Variants in MYO16 observed in about 807,000 individuals in gnomAD.
MYO16 encodes the protein unconventional myosin-XVI.
MYO16 carries 94 observed loss-of-function variants against 205.3 expected under a neutral mutation model. The observed-to-expected ratio is 0.46, with a 90% CI of 0.39 to 0.54. The LOEUF (loss-of-function observed/expected upper bound fraction) is 0.54. Ranked by LOEUF, MYO16 falls within the 20% of genes least tolerant of loss-of-function variation. The pLI, the probability that MYO16 is intolerant of heterozygous loss-of-function variation, is 0.00. For missense variants in MYO16, 2,315 were observed against 2,387.5 expected (o/e 0.97, Z 0.63); for synonymous variants, 988 against 954.0 (o/e 1.04, Z -0.66).
At chr13:108,618,891 C>T (rs541615224) in intron 1 of MYO16, among the ~76,000 whole-genome samples, 3 of 152,130 alleles carry the variant, frequency 2.0e-5, no homozygotes, top group Non-Finnish European at 4.4e-5. Flanking sequence ...TTCAACCAAT[C>T]TTAATGTATC....
At chr13:108,640,537 CA>C (rs1374911687) in intron 1 of MYO16, among the ~76,000 whole-genome samples, 3 of 152,146 alleles carry the variant, frequency 2.0e-5, no homozygotes. Context: ...AACACATGAG[CA>C]GTGTTAAATT....
chr13:109,146,744 C>T (rs9521186), intron 32 of MYO16, among the ~76,000 whole-genome samples: 26,187 of 151,430 alleles, frequency 0.17, 2,349 homozygotes, highest in East Asian at 0.27. Flanking sequence ...CTACAGTGGC[C>T]GTGGTTGCTC....
chr13:108,530,361 G>T, the MYO16 span, among the ~76,000 whole-genome samples: 2 of 152,198 alleles, frequency 1.3e-5, no homozygotes, highest in South Asian at 2.1e-4. Context: ...CTGCAAAGAA[G>T]AATGGGATGA....
intron 2 of MYO16, among the ~76,000 whole-genome samples, chr13:108,710,422 T>A (rs1048877281): frequency 1.3e-5 from 2 of 152,218 alleles, no homozygotes; most frequent in African/African-American, 4.8e-5. Flanking sequence ...TGCACTTAAA[T>A]TCAACATTTA....
the MYO16 span, among the ~76,000 whole-genome samples, chr13:108,553,005 C>CTTTTT: frequency 3.1e-5 from 2 of 64,848 alleles, 1 homozygote; most frequent in African/African-American, 9.9e-5. Context: ...CTTTAATACT[C>CTTTTT]TTTTTTTTTT....
At chr13:108,833,810 C>A (rs1566358494) in intron 9 of MYO16, among the ~76,000 whole-genome samples, 1 of 151,730 alleles carries the variant, frequency 6.6e-6, no homozygotes, top group East Asian at 1.9e-4. Context: ...ATATTCTCAT[C>A]TATTTTTTTT....
intron 7 of MYO16, among the ~76,000 whole-genome samples, chr13:108,808,723 A>C (rs1050871145): frequency 6.6e-6 from 1 of 152,042 alleles, no homozygotes; most frequent in Non-Finnish European, 1.5e-5. Context: ...TGGTAAAAAA[A>C]AATCTGTAAT....
chr13:108,978,528 G>C (rs1353057962), intron 20 of MYO16, among the ~76,000 whole-genome samples: 1 of 151,870 alleles, frequency 6.6e-6, no homozygotes, highest in Non-Finnish European at 1.5e-5. Context: ...ACATTGCATT[G>C]ATGTTTATTT....
intron 9 of MYO16, among the ~76,000 whole-genome samples, chr13:108,833,880 G>C (rs552358054): frequency 1.3e-5 from 2 of 151,984 alleles, no homozygotes; most frequent in South Asian, 2.1e-4. Flanking sequence ...GGATGGTACT[G>C]ATTTTCTTTT....
At chr13:108,542,344 A>G in the MYO16 span, among the ~76,000 whole-genome samples, 3 of 152,134 alleles carry the variant, frequency 2.0e-5, no homozygotes, top group African/African-American at 7.2e-5. Context: ...AGAGAAGTTT[A>G]GAAAAAAAAA....
intron 10 of MYO16, among the ~76,000 whole-genome samples, chr13:108,845,089 T>C (rs1423170413): frequency 6.6e-6 from 1 of 152,180 alleles, no homozygotes; most frequent in Non-Finnish European, 1.5e-5. Context: ...ATTTTGTATA[T>C]TTCTGTTTTA....
the MYO16 span, among the ~76,000 whole-genome samples, chr13:108,509,782 A>G: frequency 1.3e-5 from 2 of 152,182 alleles, no homozygotes; most frequent in South Asian, 2.1e-4. Context: ...ATGTACCCTA[A>G]AACTTAAAGT....
At chr13:108,642,287 G>T (rs562167296) in intron 1 of MYO16, among the ~76,000 whole-genome samples, 1 of 152,252 alleles carries the variant, frequency 6.6e-6, no homozygotes, top group African/African-American at 2.4e-5. Flanking sequence ...GTGAAAGGAC[G>T]TATTTTTTGA....
At chr13:108,584,567 A>G in the MYO16 span, among the ~76,000 whole-genome samples, 1 of 152,162 alleles carries the variant, frequency 6.6e-6, no homozygotes, top group Non-Finnish European at 1.5e-5. Context: ...ACCAGAACTC[A>G]TTCCCTCCAT....
intron 27 of MYO16, among the ~76,000 whole-genome samples, chr13:109,062,455 A>G (rs896275938): frequency 2.6e-5 from 4 of 152,180 alleles, no homozygotes; most frequent in African/African-American, 9.6e-5. Flanking sequence ...GAGAAATGGT[A>G]CTTTTAGGTA....
the MYO16 span, among the ~76,000 whole-genome samples, chr13:108,496,115 G>A: frequency 1.3e-5 from 2 of 152,188 alleles, no homozygotes; most frequent in Non-Finnish European, 2.9e-5. Context: ...GTGAGGGTTG[G>A]ACGCGTCTGG....
At chr13:108,738,680 C>A (rs536805318) in intron 4 of MYO16, among the ~76,000 whole-genome samples, 25 of 152,204 alleles carry the variant, frequency 1.6e-4, no homozygotes, top group African/African-American at 6.0e-4. Context: ...GAGTTCAAAT[C>A]CTGGATATCC....
the MYO16 span, among the ~76,000 whole-genome samples, chr13:108,542,258 T>C: frequency 6.6e-6 from 1 of 151,908 alleles, no homozygotes; most frequent in Admixed American, 6.6e-5. Flanking sequence ...AAGTGAGAAC[T>C]AAATAATGAG....
At chr13:108,626,557 C>T (rs1420736882), upstream of MYO16, among the ~76,000 whole-genome samples, 1 of 152,080 alleles carries the variant, frequency 6.6e-6, no homozygotes, top group Admixed American at 6.6e-5. Context: ...CCTGTAATCC[C>T]AGCACTTTGG....
Sources: allele counts gnomAD v4.1 joint callset (sites outside exome capture counted in the v4.1 genomes callset), GRCh38; gene constraint gnomAD v4.1.1; transcripts MANE v1.5; gene names NCBI Gene and HGNC (gene_info 2026-07-23, HGNC 2026-07-21).